The following POLD1 variants were observed in gnomAD, a reference collection of about 807,000 sequenced individuals.
The protein encoded by POLD1 is DNA polymerase delta 1, catalytic subunit, also known as DNA polymerase delta catalytic subunit.
A neutral mutation model predicts 129.7 loss-of-function variants in POLD1; 79 were observed. That is an observed-to-expected ratio of 0.61 (90% confidence interval 0.51 to 0.73). POLD1 has a LOEUF of 0.73. Ranked by LOEUF, POLD1 falls within the 30% of genes least tolerant of loss-of-function variation. POLD1 has a pLI of 0.00. For missense variants in POLD1, 1,338 were observed against 1,595.8 expected, an observed-to-expected ratio of 0.84 and a Z score of 2.75; for synonymous variants, 714 against 683.3, an observed-to-expected ratio of 1.04 and a Z score of -0.70.
chr19:50,410,554 C>T (rs902282303), intron 17 of POLD1, among the ~76,000 whole-genome samples: 3 of 152,162 alleles, frequency 2.0e-5, no homozygotes, highest in Admixed American at 1.3e-4. Context: ...AAAGCTGGTT[C>T]TCATGGTTAT....
chr19:50,412,812 G>A (rs756121755), intron 17 of POLD1, among the ~76,000 whole-genome samples: 3 of 152,070 alleles, frequency 2.0e-5, no homozygotes, highest in Non-Finnish European at 4.4e-5. Context: ...GTTTCACCAT[G>A]TTGTCCAGGC....
intron 19 of POLD1, among the ~76,000 whole-genome samples, 167 bp from the exon 20 acceptor site, chr19:50,414,648 C>T (rs1020744096): frequency 6.6e-6 from 1 of 152,250 alleles, no homozygotes; most frequent in Non-Finnish European, 1.5e-5. Context: ...CCTCAGGAGC[C>T]ACTTCCAGCC....
intron 10 of POLD1, 70 bp downstream of exon 10, chr19:50,403,667 T>C (rs1000680428): frequency 1.1e-6 from 1 of 934,312 alleles, no homozygotes; most frequent in East Asian, 2.4e-5. Context: ...TGGGCCTCCT[T>C]CCCACTCCCT....
chr19:50,417,991 T>A lies in POLD1; in HGVS notation c.*44T>A. 1 of 1,206,928 alleles carries A rather than the reference T, an allele frequency of 8.3e-7. No homozygotes were observed. Among genetic ancestry groups the A allele is most frequent in the Non-Finnish European group, 1.2e-6 (1 of 826,818 alleles). The allele number at this position is 1,206,928 out of a possible 1,614,324, so 74.8% of individuals were successfully genotyped here. ...GGGCGGGGGCGGGACCAGGGAGAAT[T>A]AATAAAGTTCTGGACTTTTGCTATA... On this transcript the variant is annotated 3_prime_UTR_variant, in exon 27 of 27. Transcript: ENST00000440232.
chr19:50,411,909 G>A (rs1292133253), intron 17 of POLD1, among the ~76,000 whole-genome samples: 4 of 151,964 alleles, frequency 2.6e-5, no homozygotes, highest in Non-Finnish European at 5.9e-5. Flanking sequence ...CACTGAGGAG[G>A]GAGGATCACT....
At chr19:50,402,819 G>A (rs2122263924) in intron 8 of POLD1, 78 bp downstream of exon 8, 1 of 1,524,464 alleles carries the variant, frequency 6.6e-7, no homozygotes, top group Non-Finnish European at 8.8e-7. Flanking sequence ...TCCGGTGGAG[G>A]GAATGGCAAG....
intron 3 of POLD1, among the ~76,000 whole-genome samples, chr19:50,401,383 ATATATATATTTTTTTTTT>A (rs1568617904): frequency 3.4e-5 from 2 of 58,160 alleles, no homozygotes; most frequent in African/African-American, 1.6e-4. Flanking sequence ...ATATATATAT[ATATATATATTTTTTTTTT>A]TTTTTTTTTT....
In POLD1 at chr19:50,402,841, C is replaced by T. The variant is rs1673045; in HGVS notation, c.970+100C>T. 9,353 of 1,474,858 alleles carry T rather than the reference C, an allele frequency of 6.3e-3. 493 individuals carry two copies. In the African/African-American group the frequency reaches 0.11, roughly 18 times the overall value. The allele number at this position is 1,474,858 out of a possible 1,614,324, so 91.4% of individuals were successfully genotyped here. A position where few individuals can be genotyped will look rare whatever the true frequency, so the allele number is the denominator to read the frequency against. On this transcript the variant is annotated intron_variant, in intron 8 of 26. Coordinates refer to ENST00000440232, the MANE Select transcript of POLD1 (RefSeq NM_002691.4). ...GAGGGAATGGCAAGCATGAAGGTGC[C>T]GGGGCAGGAGCACCCCAGCCCATGT...
intron 24 of POLD1, 158 bp from the exon 25 acceptor site, chr19:50,416,887 C>A: frequency 9.9e-7 from 1 of 1,011,266 alleles, no homozygotes; most frequent in Non-Finnish European, 1.4e-6. Flanking sequence ...CCTCGGCCCC[C>A]ACCCCGGGAG....
chr19:50,390,758 A>G (rs1568606660), intron 1 of POLD1, among the ~76,000 whole-genome samples: 1 of 151,972 alleles, frequency 6.6e-6, no homozygotes, highest in Non-Finnish European at 1.5e-5. Flanking sequence ...GGTACTTGAG[A>G]TTAGGGAGTG....
intron 1 of POLD1, among the ~76,000 whole-genome samples, chr19:50,389,693 T>C (rs1170203640): frequency 6.6e-6 from 1 of 151,586 alleles, no homozygotes; most frequent in Non-Finnish European, 1.5e-5. Context: ...TTCAAGCCAT[T>C]CTCTTGCCTC....
At chr19:50,408,641 C>A (rs2038983219) in intron 14 of POLD1, 144 bp from the exon 15 acceptor site, 1 of 1,269,502 alleles carries the variant, frequency 7.9e-7, no homozygotes, top group South Asian at 1.4e-5. Flanking sequence ...CCTCAGCCTC[C>A]CAATGTGCTG....
In POLD1 at chr19:50,401,938, A is replaced by G; in HGVS notation, c.463+14A>G. 1 of 1,613,542 alleles carries G rather than the reference A, an allele frequency of 6.2e-7. No individual in the cohort carries two copies. The highest frequency in any genetic ancestry group is 1.3e-5 in the African/African-American group (1 of 74,920). ...CAGCGCCCCCTGGTGAGTGGCCCCT[A>G]CCCAGCCCCTCCCTGAGCCACTGGA... On this transcript the variant is annotated intron_variant, in intron 4 of 26. Transcript: ENST00000440232.
In POLD1 at chr19:50,403,097, T is replaced by G. The variant is rs1259338122; in HGVS notation, c.1015T>G (p.Ser339Ala). 1.9e-6 allele frequency: 3 copies of G among 1,564,750 alleles called. No individual in the cohort carries two copies. In the Admixed American group the frequency reaches 5.7e-5, roughly 29 times the overall value. ...PERDPVIQIC[S>A]LGLRWGEPEP... is the part of the protein sequence containing the mutation. Reference sequence around the variant, plus strand: ...GCGGGACCCTGTCATCCAGATCTGCTCGCTGGGCCTGCGCTGGGGGGAGCC... The same window carrying G: ...GCGGGACCCTGTCATCCAGATCTGCGCGCTGGGCCTGCGCTGGGGGGAGCC... Residue 339 changes from serine to alanine, a missense_variant, in exon 9 of 27, where the codon TCG (serine) becomes GCG (alanine). By Grantham distance (99) the Ser-to-Ala change is moderately conservative. Coordinates refer to ENST00000440232, the MANE Select transcript of POLD1 (RefSeq NM_002691.4).
intron 1 of POLD1, among the ~76,000 whole-genome samples, chr19:50,391,014 C>A (rs1345975966): frequency 2.0e-5 from 3 of 152,128 alleles, no homozygotes; most frequent in Non-Finnish European, 4.4e-5. Flanking sequence ...TCTTTCCTTT[C>A]CCATTTCCCC....
intron 1 of POLD1, among the ~76,000 whole-genome samples, chr19:50,392,651 T>C (rs2038212999): frequency 7.5e-6 from 1 of 133,008 alleles, no homozygotes; most frequent in Non-Finnish European, 1.5e-5. Context: ...CTAATTTTTG[T>C]ATTTTAGTAG....
rs905193733 is a variant in POLD1 at position 50,394,652 on chromosome 19, TA to T, written c.-1-4189del. ...CTGTGTGACCGAGTGAGACTCCGTC[TA>T]AAAAAAAAATAAGTAAAATAAAAAG... On this transcript the variant is annotated intron_variant, in intron 1 of 26. Coordinates refer to ENST00000440232, the MANE Select transcript of POLD1 (RefSeq NM_002691.4). Among the ~76,000 whole-genome samples, 224 of 148,714 alleles carry T rather than the reference TA, an allele frequency of 1.5e-3. 7 individuals are homozygous for T. The East Asian group carries it at 0.036, about 24-fold the overall frequency.
In POLD1 at chr19:50,386,433, C is replaced by T. The variant is rs138869483; in HGVS notation, c.-2+2043C>T. Among the ~76,000 whole-genome samples, 234 of 152,320 alleles carry T rather than the reference C, an allele frequency of 1.5e-3. 2 individuals are homozygous for T. The highest frequency in any genetic ancestry group is 2.8e-3 in the Admixed American group (43 of 15,298). On this transcript the variant is annotated intron_variant, in intron 1 of 26. Transcript: ENST00000440232. ...GATTACAGGTGTGAGCCACCACACC[C>T]GGCCTAAACTCATGTCTTGAAGTAA... is the stretch of plus-strand genomic sequence containing the variant.
chr19:50,394,260 G>A (rs1274513028), intron 1 of POLD1, among the ~76,000 whole-genome samples: 1 of 152,166 alleles, frequency 6.6e-6, no homozygotes, highest in Admixed American at 6.5e-5. Flanking sequence ...TAGTCACGTG[G>A]CCCTCCTGGC....
Sources: gnomAD v4.1 joint callset for allele counts (sites outside exome capture counted in the v4.1 genomes callset) on GRCh38, gnomAD v4.1.1 for gene constraint, MANE v1.5 for transcripts, NCBI Gene and HGNC (gene_info 2026-07-23, HGNC 2026-07-21) for gene names.